LRRTM3: variants seen among roughly 807,000 people sequenced by gnomAD.
LRRTM3 encodes the protein leucine-rich repeat transmembrane neuronal protein 3.
Under a neutral mutation model 44.7 loss-of-function variants are expected in LRRTM3, and 24 were observed. The ratio of observed to expected loss-of-function variants is 0.54; its 90% CI spans 0.39 to 0.76. The LOEUF (loss-of-function observed/expected upper bound fraction) is 0.76. Among genes scored for constraint, LRRTM3 ranks in the 30% least tolerant of loss-of-function variants. The probability of loss-of-function intolerance (pLI) is 0.00; values close to 1 mark genes in which losing one functional copy is unlikely to be tolerated. For missense variants in LRRTM3, 587 were observed against 702.2 expected (o/e 0.84, Z 1.85); for synonymous variants, 277 against 278.7 (o/e 0.99, Z 0.06).
At chr10:66,971,032 T>G (rs1480399271) in intron 2 of LRRTM3, among the ~76,000 whole-genome samples, 1 of 152,164 alleles carries the variant, frequency 6.6e-6, no homozygotes, top group Non-Finnish European at 1.5e-5. Context: ...AGTATTTGCA[T>G]TATTTGCTCT....
At chr10:67,092,540 T>C (rs1000991627) in intron 2 of LRRTM3, among the ~76,000 whole-genome samples, 6 of 152,006 alleles carry the variant, frequency 3.9e-5, no homozygotes, top group South Asian at 2.1e-4. Context: ...TGTTCATATA[T>C]ATACAAAGAT....
chr10:67,086,268 T>C (rs1857302880), intron 2 of LRRTM3, among the ~76,000 whole-genome samples: 1 of 152,042 alleles, frequency 6.6e-6, no homozygotes, highest in Non-Finnish European at 1.5e-5. Context: ...TTAAAAAATG[T>C]TACTTGAACT....
intron 2 of LRRTM3, among the ~76,000 whole-genome samples, chr10:67,078,227 G>A (rs993216320): frequency 6.6e-6 from 1 of 152,162 alleles, no homozygotes; most frequent in African/African-American, 2.4e-5. Flanking sequence ...TGGGCATGAA[G>A]AGTGATCTTC....
chr10:67,044,719 G>A lies in LRRTM3; in HGVS notation c.1537-52868G>A, dbSNP rs187645425. ...TTTTTTTAAAAGAACTCTTAGGGAT[G>A]TTATAAGGATAAAGTAACATAATAG... On this transcript the variant is annotated intron_variant, in intron 2 of 2. Coordinates refer to ENST00000361320, the MANE Select transcript of LRRTM3 (RefSeq NM_178011.5). 2.6e-5 allele frequency among the ~76,000 whole-genome samples: 4 copies of A among 152,226 alleles called. No individual in the cohort carries two copies. The East Asian group carries it at 5.8e-4, about 22-fold the overall frequency.
At chr10:67,068,685 C>G (rs1856245080) in intron 2 of LRRTM3, among the ~76,000 whole-genome samples, 2 of 152,210 alleles carry the variant, frequency 1.3e-5, no homozygotes, top group Non-Finnish European at 1.5e-5. Flanking sequence ...GAGTTATCAA[C>G]AGCAAATGAC....
chr10:67,081,703 A>G (rs1857066539), intron 2 of LRRTM3, among the ~76,000 whole-genome samples: 1 of 152,138 alleles, frequency 6.6e-6, no homozygotes, highest in Admixed American at 6.5e-5. Context: ...CTCCTGGACC[A>G]GCTATGCTGT....
chr10:67,067,334 T>C (rs889646677), intron 2 of LRRTM3, among the ~76,000 whole-genome samples: 1 of 152,186 alleles, frequency 6.6e-6, no homozygotes, highest in Admixed American at 6.5e-5. Context: ...TATTGAGCAA[T>C]AAACCATATA....
chr10:67,007,206 G>T (rs958876513), intron 2 of LRRTM3, among the ~76,000 whole-genome samples: 1 of 152,150 alleles, frequency 6.6e-6, no homozygotes, highest in Non-Finnish European at 1.5e-5. Flanking sequence ...AAATTCTTGG[G>T]TGTCAGTTCC....
intron 2 of LRRTM3, among the ~76,000 whole-genome samples, chr10:67,066,181 A>T (rs965014631): frequency 7.0e-6 from 1 of 143,726 alleles, no homozygotes; most frequent in Non-Finnish European, 1.5e-5. Context: ...TGCTGTGCCC[A>T]CTGAAGTCAC....
At chr10:66,928,586 C>T in intron 2 of LRRTM3, 134 bp downstream of exon 2, 1 of 772,616 alleles carries the variant, frequency 1.3e-6, no homozygotes, top group Non-Finnish European at 2.0e-6. Context: ...CTGGCAAGAT[C>T]CTTCCTTGTC....
At chr10:66,953,384 T>C (rs1473301536) in intron 2 of LRRTM3, among the ~76,000 whole-genome samples, 2 of 152,176 alleles carry the variant, frequency 1.3e-5, no homozygotes. Flanking sequence ...AATGAGAGAG[T>C]TGAAAATGAA....
chr10:67,039,551 CTTT>C (rs898132943), intron 2 of LRRTM3, among the ~76,000 whole-genome samples: 56 of 152,138 alleles, frequency 3.7e-4, no homozygotes, highest in Non-Finnish European at 7.1e-4. Context: ...GTTGTTGATA[CTTT>C]TTTTGTTTAA....
chr10:66,974,953 T>A (rs1284356849), intron 2 of LRRTM3, among the ~76,000 whole-genome samples: 1 of 152,088 alleles, frequency 6.6e-6, no homozygotes, highest in African/African-American at 2.4e-5. Context: ...AAGCTCTGAG[T>A]CAAGAATAGG....
In LRRTM3 at chr10:66,927,970, A is replaced by C; in HGVS notation, c.1054A>C (p.Ile352Leu). 1 of 1,614,250 alleles carries C rather than the reference A, an allele frequency of 6.2e-7. No individual in the cohort carries two copies. The highest frequency in any genetic ancestry group is 8.5e-7 in the Non-Finnish European group (1 of 1,180,050). ...SPKELQGVNV[I>L]DAVKNYSICG... ...CAAAGAGCTGCAAGGAGTAAATGTG[A>C]TCGATGCAGTGAAGAACTACAGCAT... is the stretch of plus-strand genomic sequence containing the variant. The change falls in exon 2 of 3, where the codon ATC becomes CTC. Residue 352 changes from isoleucine (I) to leucine (L), a missense_variant. Transcript: ENST00000361320. The surrounding 1 kb of genome is among the most constrained non-coding windows in gnomAD (Gnocchi z 4.7).
chr10:67,056,026 T>C (rs185876658), intron 2 of LRRTM3, among the ~76,000 whole-genome samples: 1 of 152,218 alleles, frequency 6.6e-6, no homozygotes, highest in Non-Finnish European at 1.5e-5. Context: ...ATGTAATATA[T>C]GTATATTATA....
chr10:66,974,138 C>T (rs1849890354), intron 2 of LRRTM3, among the ~76,000 whole-genome samples: 1 of 152,084 alleles, frequency 6.6e-6, no homozygotes, highest in African/African-American at 2.4e-5. Context: ...GTCTCTATCA[C>T]CACAGATTAA....
intron 2 of LRRTM3, among the ~76,000 whole-genome samples, chr10:66,994,410 G>A (rs1303378377): frequency 6.6e-6 from 1 of 152,144 alleles, no homozygotes; most frequent in East Asian, 1.9e-4. Flanking sequence ...ATGGAATGAA[G>A]CTCAGTGTGA....
intron 2 of LRRTM3, among the ~76,000 whole-genome samples, chr10:66,998,339 C>T (rs909313512): frequency 2.0e-5 from 3 of 151,986 alleles, no homozygotes; most frequent in African/African-American, 7.2e-5. Context: ...GAAGATAGAA[C>T]AATATTTTTT....
intron 2 of LRRTM3, among the ~76,000 whole-genome samples, chr10:67,079,741 A>T (rs901314393): frequency 6.6e-6 from 1 of 151,928 alleles, no homozygotes; most frequent in East Asian, 1.9e-4. Context: ...CCAGCTGCTC[A>T]GGAGGCTGAG....
Sources: allele counts gnomAD v4.1 joint callset (sites outside exome capture counted in the v4.1 genomes callset), GRCh38; gene constraint gnomAD v4.1.1; non-coding constraint Gnocchi (gnomAD v3.1); transcripts MANE v1.5; gene names NCBI Gene and HGNC (gene_info 2026-07-23, HGNC 2026-07-21).